Variants in GSE1 observed in about 807,000 individuals in gnomAD.
GSE1 encodes genetic suppressor element 1.
Under a neutral mutation model 112.6 loss-of-function variants are expected in GSE1, and 32 were observed. The ratio of observed to expected loss-of-function variants is 0.28; its 90% CI spans 0.21 to 0.38. GSE1 has a LOEUF of 0.38. Among genes scored for constraint, GSE1 ranks in the 10% least tolerant of loss-of-function variants. The pLI is 1.00. For missense variants in GSE1, 2,348 were observed against 1,699.2 expected (o/e 1.38, Z -6.71); for synonymous variants, 1,115 against 735.6 (o/e 1.52, Z -8.35).
At chr16:85,550,795 A>T (rs1236581160) in intron 2 of GSE1, among the ~76,000 whole-genome samples, 2 of 151,894 alleles carry the variant, frequency 1.3e-5, no homozygotes, top group Non-Finnish European at 2.9e-5. Flanking sequence ...GAGTCTGGGG[A>T]CCCTCCATTT....
intron 1 of GSE1, among the ~76,000 whole-genome samples, chr16:85,290,633 A>C (rs1296664495): frequency 1.3e-5 from 2 of 152,124 alleles, no homozygotes; most frequent in Non-Finnish European, 2.9e-5. Context: ...GCAAGGGAGC[A>C]CCTTTTTCCA....
At chr16:85,466,313 A>T (rs963063687) in intron 2 of GSE1, among the ~76,000 whole-genome samples, 26 of 152,188 alleles carry the variant, frequency 1.7e-4, no homozygotes, top group African/African-American at 6.0e-4. Context: ...AGGCGTGGTG[A>T]TGTGATTACT....
At chr16:85,619,381 A>G (rs759855455) in intron 1 of GSE1, among the ~76,000 whole-genome samples, 32 of 147,644 alleles carry the variant, frequency 2.2e-4, no homozygotes, top group African/African-American at 4.9e-4. Context: ...AGGAAAATCT[A>G]TATGTCAAGC....
chr16:85,514,753 C>T lies in GSE1; in HGVS notation c.2465-119161C>T, dbSNP rs919433278. Among the ~76,000 whole-genome samples the T allele has an allele frequency of 3.3e-5, 5 of 152,082 alleles. No individual in the cohort carries two copies. The South Asian group carries it at 8.3e-4, about 25-fold the overall frequency. On this transcript the variant is annotated intron_variant, in intron 2 of 2. Coordinates refer to the GSE1 transcript ENST00000637419. ...CCCGAGTGCCTGCTCTCTGCCTGCCCCTTGCCCCAGGGGGTTGGTCAGGGC... is the reference window on the plus strand; with the variant it reads ...CCCGAGTGCCTGCTCTCTGCCTGCCTCTTGCCCCAGGGGGTTGGTCAGGGC...
At chr16:85,505,621 G>A (rs569730526) in intron 2 of GSE1, among the ~76,000 whole-genome samples, 3 of 152,256 alleles carry the variant, frequency 2.0e-5, no homozygotes, top group South Asian at 2.1e-4. Flanking sequence ...TGGGAGTGCC[G>A]GCGGGGGGCA....
chr16:85,323,792 T>C (rs2046167451), intron 1 of GSE1, among the ~76,000 whole-genome samples: 1 of 152,198 alleles, frequency 6.6e-6, no homozygotes, highest in Non-Finnish European at 1.5e-5. Context: ...CCTAATGTGC[T>C]GCATTGTTGT....
At chr16:85,241,172 CGTG>C (rs1905138070) in intron 1 of GSE1, among the ~76,000 whole-genome samples, 1 of 151,744 alleles carries the variant, frequency 6.6e-6, no homozygotes, top group South Asian at 2.1e-4. Flanking sequence ...GGCTCGGCTG[CGTG>C]ACCTTGGGCT....
intron 1 of GSE1, among the ~76,000 whole-genome samples, chr16:85,245,243 T>C (rs924262357): frequency 6.6e-6 from 1 of 152,168 alleles, no homozygotes; most frequent in African/African-American, 2.4e-5. Context: ...ATTTCTGATA[T>C]TATAGCTTCT....
chr16:85,314,946 A>C (rs1360426212), intron 1 of GSE1, among the ~76,000 whole-genome samples: 1 of 152,144 alleles, frequency 6.6e-6, no homozygotes, highest in East Asian at 1.9e-4. Flanking sequence ...TGCTGACCTC[A>C]CAGGAACACC....
chr16:85,264,142 A>G (rs934381631), intron 1 of GSE1, among the ~76,000 whole-genome samples: 2 of 151,964 alleles, frequency 1.3e-5, no homozygotes, highest in South Asian at 4.1e-4. Context: ...ATGGGGCACA[A>G]CCTGTTGTGG....
intron 2 of GSE1, among the ~76,000 whole-genome samples, chr16:85,428,282 A>C (rs893361346): frequency 5.9e-5 from 9 of 152,170 alleles, no homozygotes; most frequent in Non-Finnish European, 1.3e-4. Context: ...ACCACCCAGG[A>C]TTCCCTCGTG....
chr16:85,340,639 C>A (rs1190972867), intron 1 of GSE1, among the ~76,000 whole-genome samples: 1 of 152,122 alleles, frequency 6.6e-6, no homozygotes, highest in Non-Finnish European at 1.5e-5. Flanking sequence ...AGACCCTGTC[C>A]CAAAAACAAA....
At chr16:85,337,188 C>A (rs1307362808) in intron 1 of GSE1, among the ~76,000 whole-genome samples, 1 of 152,244 alleles carries the variant, frequency 6.6e-6, no homozygotes. Context: ...TGGGCACCCC[C>A]GCCTGCTCCT....
At chr16:85,569,765 C>T (rs542436260) in intron 1 of GSE1, among the ~76,000 whole-genome samples, 76 of 152,314 alleles carry the variant, frequency 5.0e-4, no homozygotes, top group East Asian at 1.9e-3. Context: ...ACACTGTGGC[C>T]GTGGCGTGCG....
chr16:85,634,663 G>A (rs900137383), intron 2 of GSE1, among the ~76,000 whole-genome samples: 2 of 152,188 alleles, frequency 1.3e-5, no homozygotes, highest in East Asian at 3.8e-4. Context: ...TAGACAAGCG[G>A]CCCCCGGGGT....
intron 1 of GSE1, among the ~76,000 whole-genome samples, chr16:85,571,692 T>A (rs1382152839): frequency 6.6e-6 from 1 of 151,992 alleles, no homozygotes; most frequent in Non-Finnish European, 1.5e-5. Context: ...CAGGAAGGAC[T>A]GAGGGGGAGA....
At chr16:85,458,926 C>A (rs1474655124) in intron 2 of GSE1, among the ~76,000 whole-genome samples, 2 of 152,168 alleles carry the variant, frequency 1.3e-5, no homozygotes, top group Non-Finnish European at 2.9e-5. Context: ...GTACCTATCT[C>A]CCTGCTCTGG....
intron 1 of GSE1, among the ~76,000 whole-genome samples, chr16:85,257,668 G>A (rs1235206132): frequency 6.6e-6 from 1 of 152,198 alleles, no homozygotes; most frequent in Admixed American, 6.5e-5. Context: ...AAAATTGGCA[G>A]GACGTGGTGG....
At chr16:85,649,247 C>T (rs1379005638) in intron 3 of GSE1, among the ~76,000 whole-genome samples, 2 of 152,156 alleles carry the variant, frequency 1.3e-5, no homozygotes, top group Non-Finnish European at 2.9e-5. Context: ...CAGTTCCGTT[C>T]TGAGGCCCTG....
Sources: gnomAD v4.1 joint callset for allele counts (sites outside exome capture counted in the v4.1 genomes callset) on GRCh38, gnomAD v4.1.1 for gene constraint, MANE v1.5 for transcripts, NCBI Gene and HGNC (gene_info 2026-07-23, HGNC 2026-07-21) for gene names.